The following ME1 variants were observed in gnomAD, a reference collection of about 807,000 sequenced individuals.
ME1 encodes the protein NADP-dependent malic enzyme.
ME1 carries 74 observed loss-of-function variants against 66.4 expected under a neutral mutation model. That is an observed-to-expected ratio of 1.11 (90% CI 0.92 to 1.35). The LOEUF (loss-of-function observed/expected upper bound fraction) is 1.35, where lower values mean the gene tolerates loss of function less well. ME1 is among the 40% of genes most tolerant of loss of function. The probability of loss-of-function intolerance (pLI) is 0.00; values close to 1 mark genes in which losing one functional copy is unlikely to be tolerated. For missense variants in ME1, 750 were observed against 694.1 expected, an observed-to-expected ratio of 1.08 and a Z score of -0.90; for synonymous variants, 251 against 235.6, an observed-to-expected ratio of 1.07 and a Z score of -0.60.
In ME1 at chr6:83,283,248, A is replaced by AG. The variant is rs70987744; in HGVS notation, c.705-29511_705-29510insC. On this transcript the variant is annotated intron_variant, in intron 6 of 13. Coordinates refer to ENST00000369705, the MANE Select transcript of ME1 (RefSeq NM_002395.6). The stretch of plus-strand genomic sequence containing the variant: ...GTCTCAAAAAAAAAAAAAAAAAAAA[A>AG]TGATGAGTTCATGTCCTTTGCAGGG... Among the ~76,000 whole-genome samples the AG allele has an allele frequency of 1.1e-4, 15 of 139,662 alleles. 1 individual carries two copies. Among genetic ancestry groups the AG allele is most frequent in the African/African-American group, 3.1e-4 (11 of 35,104 alleles). 91.6% of individuals were successfully genotyped at this position (139,662 alleles called of 152,430 possible).
intron 2 of ME1, among the ~76,000 whole-genome samples, chr6:83,404,571 A>G (rs954589056): frequency 6.6e-6 from 1 of 152,194 alleles, no homozygotes; most frequent in Non-Finnish European, 1.5e-5. Context: ...TTTAGTCATG[A>G]AGTCTTTGCC....
chr6:83,259,067 A>G (rs1274745322), intron 6 of ME1, among the ~76,000 whole-genome samples: 1 of 152,206 alleles, frequency 6.6e-6, no homozygotes, highest in Non-Finnish European at 1.5e-5. Context: ...TAACTGATCA[A>G]GAATTCACTG....
intron 6 of ME1, among the ~76,000 whole-genome samples, chr6:83,255,064 A>G (rs144340849): frequency 5.4e-4 from 82 of 152,200 alleles, no homozygotes; most frequent in African/African-American, 1.9e-3. Flanking sequence ...TTTCCCTTCA[A>G]TTATGTTAAT....
intron 6 of ME1, among the ~76,000 whole-genome samples, chr6:83,305,087 T>C (rs1033745976): frequency 6.6e-6 from 1 of 152,196 alleles, no homozygotes; most frequent in African/African-American, 2.4e-5. Context: ...CATGTTTAAA[T>C]GAAATAATTT....
In ME1 at chr6:83,340,709, T is replaced by G. The variant is rs1021137943; in HGVS notation, c.600+5464A>C. 2.6e-5 allele frequency among the ~76,000 whole-genome samples: 4 copies of G among 151,554 alleles called. No homozygotes were observed. In the South Asian group the frequency reaches 8.4e-4, roughly 32 times the overall value. On this transcript the variant is annotated intron_variant, in intron 5 of 13. Transcript: ENST00000369705. ...TTTTTTTTTTTACCAAGTTTGGATA[T>G]CAAGGTTATGCTCTTTTTAAAAACT... is the stretch of plus-strand genomic sequence containing the variant.
At chr6:83,427,719 A>G (rs961682590) in intron 1 of ME1, among the ~76,000 whole-genome samples, 5 of 152,196 alleles carry the variant, frequency 3.3e-5, no homozygotes, top group Admixed American at 1.3e-4. Flanking sequence ...AGAAAAAAAA[A>G]TACAACTTAT....
chr6:83,356,407 A>C (rs943158373), intron 3 of ME1, among the ~76,000 whole-genome samples: 5 of 152,216 alleles, frequency 3.3e-5, no homozygotes, highest in Admixed American at 2.6e-4. Context: ...GTACTAAAAA[A>C]AGCTAACTTC....
At chr6:83,216,274 T>C (rs899078916) in intron 13 of ME1, among the ~76,000 whole-genome samples, 5 of 152,304 alleles carry the variant, frequency 3.3e-5, no homozygotes, top group East Asian at 1.9e-4. Flanking sequence ...AAAAGAACGA[T>C]AGAGAGGGAA....
intron 5 of ME1, among the ~76,000 whole-genome samples, chr6:83,324,000 G>A (rs543962732): frequency 1.3e-5 from 2 of 152,114 alleles, no homozygotes; most frequent in Non-Finnish European, 2.9e-5. Flanking sequence ...TCAGACCACA[G>A]TGCAATCAAA....
intron 13 of ME1, among the ~76,000 whole-genome samples, chr6:83,214,313 C>A (rs1048210545): frequency 6.6e-6 from 1 of 152,196 alleles, no homozygotes; most frequent in Non-Finnish European, 1.5e-5. Context: ...CCTGTCAATG[C>A]CAAACTCTCT....
chr6:83,284,073 A>C (rs1166012669), intron 6 of ME1, among the ~76,000 whole-genome samples: 2 of 152,222 alleles, frequency 1.3e-5, no homozygotes, highest in Non-Finnish European at 2.9e-5. Flanking sequence ...ATTCCACAGA[A>C]ACACAGAAGA....
chr6:83,253,678 G>C lies in ME1; in HGVS notation c.765C>G (p.Leu255=). The change falls in exon 7 of 14, where the codon CTC becomes CTG. Residue 255 remains leucine, a synonymous_variant. Transcript: ENST00000369705. ...EDFANVNAFR[L]LNKYRNQYCT... Reference sequence around the variant, plus strand: ...AATACTGGTTTCGATACTTGTTCAGGAGACGAAATGCATTCACATTGGCAA... The same window carrying C: ...AATACTGGTTTCGATACTTGTTCAGCAGACGAAATGCATTCACATTGGCAA... 6.2e-7 allele frequency: 1 copy of C among 1,612,102 alleles called. No homozygotes were observed. Among genetic ancestry groups the C allele is most frequent in the Non-Finnish European group, 8.5e-7 (1 of 1,178,718 alleles).
intron 1 of ME1, among the ~76,000 whole-genome samples, chr6:83,418,051 CA>C (rs1442593735): frequency 2.0e-5 from 3 of 152,166 alleles, no homozygotes; most frequent in Non-Finnish European, 4.4e-5. Context: ...ATACCTCAGA[CA>C]TGATATTCCC....
chr6:83,230,135 T>TTG (rs1554262671), intron 9 of ME1, among the ~76,000 whole-genome samples: 48 of 151,810 alleles, frequency 3.2e-4, no homozygotes, highest in Admixed American at 1.8e-3. Context: ...TCTGTTTTTT[T>TTG]TTGTTGTTGT....
chr6:83,347,176 A>C (rs536066766), intron 4 of ME1, among the ~76,000 whole-genome samples: 2 of 151,834 alleles, frequency 1.3e-5, no homozygotes, highest in East Asian at 3.9e-4. Flanking sequence ...CTGGTATCAA[A>C]CTCCTGACCT....
intron 5 of ME1, among the ~76,000 whole-genome samples, chr6:83,319,174 G>A (rs1583377936): frequency 3.6e-5 from 5 of 139,516 alleles, no homozygotes; most frequent in Non-Finnish European, 7.8e-5. Context: ...GAGGGGGGAG[G>A]GATAGCATTG....
intron 3 of ME1, among the ~76,000 whole-genome samples, chr6:83,387,294 A>T (rs1200811398): frequency 6.6e-6 from 1 of 152,180 alleles, no homozygotes; most frequent in African/African-American, 2.4e-5. Flanking sequence ...CTCCTTTGAT[A>T]GTATAATTAT....
At chr6:83,353,839 A>C (rs1475388148) in intron 3 of ME1, among the ~76,000 whole-genome samples, 1 of 152,034 alleles carries the variant, frequency 6.6e-6, no homozygotes, top group Non-Finnish European at 1.5e-5. Context: ...CATTTTTCTA[A>C]TCTGTTTCCT....
intron 5 of ME1, among the ~76,000 whole-genome samples, chr6:83,341,556 T>G: frequency 6.6e-6 from 1 of 152,212 alleles, no homozygotes; most frequent in East Asian, 1.9e-4. Context: ...ACTCTCCTTT[T>G]AGAACAAGAA....
Sources: gnomAD v4.1 joint callset for allele counts (sites outside exome capture counted in the v4.1 genomes callset) on GRCh38, gnomAD v4.1.1 for gene constraint, MANE v1.5 for transcripts, NCBI Gene and HGNC (gene_info 2026-07-23, HGNC 2026-07-21) for gene names.